The following SNX29 variants were observed in gnomAD, a reference collection of about 807,000 sequenced individuals.
The protein encoded by SNX29 is sorting nexin-29.
SNX29 carries 78 observed loss-of-function variants against 102.1 expected under a neutral mutation model. The ratio of observed to expected loss-of-function variants is 0.76; its 90% CI spans 0.64 to 0.92. The LOEUF (loss-of-function observed/expected upper bound fraction) is 0.92, where lower values mean the gene tolerates loss of function less well. SNX29 is among the 40% of genes least tolerant of loss of function. The pLI, the probability that SNX29 is intolerant of heterozygous loss-of-function variation, is 0.00. For missense variants in SNX29, 1,280 were observed against 1,061.7 expected (o/e 1.21, Z -2.86); for synonymous variants, 580 against 414.5 (o/e 1.40, Z -4.85).
chr16:12,001,634 T>TAC (rs748598150), intron 2 of SNX29, among the ~76,000 whole-genome samples: 8 of 151,842 alleles, frequency 5.3e-5, no homozygotes, highest in African/African-American at 1.2e-4. Flanking sequence ...CACACACAGA[T>TAC]ACACACACAC....
At chr16:12,419,982 G>A (rs372765609) in intron 18 of SNX29, among the ~76,000 whole-genome samples, 3 of 152,288 alleles carry the variant, frequency 2.0e-5, no homozygotes, top group South Asian at 2.1e-4. Flanking sequence ...GCTCAGGCTC[G>A]GCTTAGGGCC....
At chr16:12,528,036 A>G (rs555672519) in intron 20 of SNX29, among the ~76,000 whole-genome samples, 4 of 151,764 alleles carry the variant, frequency 2.6e-5, no homozygotes, top group African/African-American at 9.7e-5. Context: ...CGTGTTAGCC[A>G]GGATGGTCTC....
chr16:12,289,179 GC>G (rs1212660934), intron 15 of SNX29, among the ~76,000 whole-genome samples: 1 of 152,168 alleles, frequency 6.6e-6, no homozygotes, highest in Non-Finnish European at 1.5e-5. Context: ...TGGATGGCAG[GC>G]CCCTTCTGAT....
intron 16 of SNX29, among the ~76,000 whole-genome samples, chr16:12,371,656 A>G (rs1224466835): frequency 1.3e-5 from 2 of 152,132 alleles, no homozygotes; most frequent in African/African-American, 4.8e-5. Context: ...TCTCCTGTCC[A>G]GGGTGTCATT....
At chr16:12,005,868 A>G (rs902848517) in intron 3 of SNX29, among the ~76,000 whole-genome samples, 3 of 152,246 alleles carry the variant, frequency 2.0e-5, no homozygotes, top group African/African-American at 7.2e-5. Context: ...GAAAAATCTG[A>G]AATCCGAAAC....
chr16:12,515,499 G>T (rs981878383), intron 19 of SNX29: 1 of 487,246 alleles, frequency 2.1e-6, no homozygotes, highest in Non-Finnish European at 4.1e-6. Flanking sequence ...GCTTCTCCTT[G>T]CCTCCCCAGC....
chr16:12,241,940 G>A (rs1208832689), intron 14 of SNX29, among the ~76,000 whole-genome samples: 1 of 152,166 alleles, frequency 6.6e-6, no homozygotes, highest in Non-Finnish European at 1.5e-5. Flanking sequence ...CCAGGAGGCT[G>A]TGCTCAGGTT....
chr16:12,351,704 C>T (rs1045946566), intron 15 of SNX29, among the ~76,000 whole-genome samples: 2 of 152,032 alleles, frequency 1.3e-5, no homozygotes, highest in African/African-American at 4.8e-5. Context: ...CCTGATACTC[C>T]AGCTGGAAGG....
chr16:12,160,176 C>A (rs374514539), intron 13 of SNX29, among the ~76,000 whole-genome samples: 105 of 152,170 alleles, frequency 6.9e-4, no homozygotes, highest in Non-Finnish European at 1.1e-3. Context: ...TCTGGATGCC[C>A]ACTGTTTGCC....
At chr16:12,215,984 G>A (rs904753095) in intron 14 of SNX29, among the ~76,000 whole-genome samples, 1 of 152,090 alleles carries the variant, frequency 6.6e-6, no homozygotes, top group Non-Finnish European at 1.5e-5. Flanking sequence ...GCTGCCTTCT[G>A]GGCAAAATGA....
At chr16:12,201,865 C>G (rs2076922723) in intron 14 of SNX29, among the ~76,000 whole-genome samples, 1 of 152,192 alleles carries the variant, frequency 6.6e-6, no homozygotes, top group African/African-American at 2.4e-5. Context: ...CAGCGCTACA[C>G]AATGCATTTC....
At chr16:12,534,951 C>T (rs1400302815) in intron 20 of SNX29, among the ~76,000 whole-genome samples, 1 of 152,192 alleles carries the variant, frequency 6.6e-6, no homozygotes, top group Non-Finnish European at 1.5e-5. Context: ...CCTCCCTGCA[C>T]AGCAGAGTTA....
chr16:12,536,542 C>G (rs898367742), intron 20 of SNX29, among the ~76,000 whole-genome samples: 3 of 152,136 alleles, frequency 2.0e-5, no homozygotes, highest in African/African-American at 7.2e-5. Flanking sequence ...TAAAATGGGA[C>G]TAATTATAGC....
At chr16:12,380,555 CCAT>C (rs2083049551) in intron 16 of SNX29, among the ~76,000 whole-genome samples, 1 of 132,534 alleles carries the variant, frequency 7.5e-6, no homozygotes, top group East Asian at 2.5e-4. Flanking sequence ...CACCATCCAT[CCAT>C]CCACCCACCA....
At chr16:12,255,891 T>C (rs1233498556) in intron 14 of SNX29, among the ~76,000 whole-genome samples, 1 of 152,248 alleles carries the variant, frequency 6.6e-6, no homozygotes, top group Non-Finnish European at 1.5e-5. Flanking sequence ...TGGATAAATA[T>C]GCAGTAGTGG....
chr16:12,407,877 G>C (rs1005099112), intron 18 of SNX29, among the ~76,000 whole-genome samples: 1 of 152,196 alleles, frequency 6.6e-6, no homozygotes, highest in Non-Finnish European at 1.5e-5. Context: ...CAGCTCCAGA[G>C]GCTGAGATAG....
chr16:12,357,624 T>C (rs2111224), intron 16 of SNX29, among the ~76,000 whole-genome samples: 30,126 of 152,140 alleles, frequency 0.2, 4,370 homozygotes, highest in East Asian at 0.45. Context: ...TTTGAGGCCA[T>C]CGCCACCACC....
In SNX29 at chr16:12,570,741, C is replaced by G. The variant is rs180902875; in HGVS notation, c.*2112C>G. On this transcript the variant is annotated 3_prime_UTR_variant, in exon 21 of 21. Transcript: ENST00000566228. ...AATTGGTCTCTCTCCAGATACCCCA[C>G]GAGGAAGCACCTTGGACATTCTGCA... 5 of 231,946 alleles carry G rather than the reference C, an allele frequency of 2.2e-5. No homozygotes were observed. Among genetic ancestry groups the G allele is most frequent in the Non-Finnish European group, 4.3e-5 (5 of 117,486 alleles). The allele number at this position is 231,946 out of a possible 1,614,324, so 14.4% of individuals were successfully genotyped here. A position where few individuals can be genotyped will look rare whatever the true frequency, so the allele number is the denominator to read the frequency against.
intron 1 of SNX29, 125 bp from the exon 2 acceptor site, chr16:11,999,172 T>C: frequency 1.3e-6 from 1 of 785,570 alleles, no homozygotes; most frequent in Non-Finnish European, 2.1e-6. Flanking sequence ...ATTGTAATGA[T>C]ACAGATTATT....
Sources: gnomAD v4.1 joint callset for allele counts (sites outside exome capture counted in the v4.1 genomes callset) on GRCh38, gnomAD v4.1.1 for gene constraint, MANE v1.5 for transcripts, NCBI Gene and HGNC (gene_info 2026-07-23, HGNC 2026-07-21) for gene names.